KLF12: variants seen among roughly 807,000 people sequenced by gnomAD.
KLF12 encodes KLF transcription factor 12, also known as Krueppel-like factor 12.
Under a neutral mutation model 37.8 loss-of-function variants are expected in KLF12, and 9 were observed. That is an observed-to-expected ratio of 0.24 (90% confidence interval 0.14 to 0.42). KLF12 has a LOEUF of 0.42. KLF12 is among the 10% of genes least tolerant of loss of function. The pLI, the probability that KLF12 is intolerant of heterozygous loss-of-function variation, is 1.00. For synonymous variants in KLF12, 208 were observed against 202.1 expected, an observed-to-expected ratio of 1.03 and a Z score of -0.25; for missense variants, 411 against 516.0, an observed-to-expected ratio of 0.80 and a Z score of 1.97.
chr13:73,757,077 C>A (rs1247459198), intron 6 of KLF12, among the ~76,000 whole-genome samples: 1 of 152,152 alleles, frequency 6.6e-6, no homozygotes. Context: ...ACTCTAAAAG[C>A]CCTGACTTCA....
intron 7 of KLF12, 141 bp downstream of exon 7, chr13:73,715,227 G>C (rs1324723625): frequency 1.7e-6 from 1 of 602,722 alleles, no homozygotes; most frequent in Non-Finnish European, 2.8e-6. Context: ...TCAAGAGAGA[G>C]AGAATACATT....
At position 73,708,235 on chromosome 13, in the gene KLF12, A is replaced by C. The variant is rs576171621; in HGVS notation, c.1027+7133T>G. On this transcript the variant is annotated intron_variant, in intron 7 of 7. Coordinates refer to ENST00000377669, the MANE Select transcript of KLF12 (RefSeq NM_007249.5). ...CTTAAGTTTACTAATTTTTAAGGTT[A>C]GAGGTGTATGGCTTTCATATGAATT... 2.3e-4 allele frequency among the ~76,000 whole-genome samples: 35 copies of C among 152,332 alleles called. No individual in the cohort carries two copies. The South Asian group carries it at 5.8e-3, about 25-fold the overall frequency.
intron 3 of KLF12, among the ~76,000 whole-genome samples, chr13:73,864,534 C>A (rs1158650265): frequency 6.6e-6 from 1 of 152,042 alleles, no homozygotes; most frequent in African/African-American, 2.4e-5. Flanking sequence ...AGAAAAAAAT[C>A]TGATGCATAT....
chr13:74,263,503 C>T, the KLF12 span, among the ~76,000 whole-genome samples: 1 of 152,192 alleles, frequency 6.6e-6, no homozygotes, highest in South Asian at 2.1e-4. Context: ...CTGTTACTCT[C>T]ATCCAGTAAT....
intron 6 of KLF12, among the ~76,000 whole-genome samples, chr13:73,764,694 T>C (rs1879792742): frequency 1.3e-5 from 2 of 152,128 alleles, no homozygotes; most frequent in Admixed American, 1.3e-4. Context: ...TCTTGGGAAC[T>C]TAGATCATAT....
intron 6 of KLF12, 140 bp from the exon 7 acceptor site, chr13:73,715,665 T>G: frequency 1.3e-6 from 1 of 773,712 alleles, no homozygotes. Flanking sequence ...TACCACTATC[T>G]TGGGCAGATC....
chr13:74,305,215 A>T, the KLF12 span, among the ~76,000 whole-genome samples: 1 of 152,058 alleles, frequency 6.6e-6, no homozygotes, highest in Non-Finnish European at 1.5e-5. Flanking sequence ...AAACCTCCAC[A>T]TCTGCAGAGG....
In KLF12 at chr13:73,813,281, A is replaced by C. The variant is rs1412663813; in HGVS notation, c.677T>G (p.Met226Arg). The C allele has an allele frequency of 6.2e-7, 1 of 1,613,818 alleles. No individual in the cohort carries two copies. Among genetic ancestry groups the C allele is most frequent in the Non-Finnish European group, 8.5e-7 (1 of 1,179,904 alleles). The change falls in exon 5 of 8, where the codon ATG becomes AGG. Residue 226 changes from methionine (M) to arginine (R), a missense_variant. By Grantham distance (91) the Met-to-Arg change is moderately conservative. Transcript: ENST00000377669. ...TCTGGGAGATAGGCCTCGGGGGTCC[A>C]TTTGTGCTGGAGAGAAAAGGCATAT...
intron 2 of KLF12, among the ~76,000 whole-genome samples, chr13:73,989,169 C>A (rs1192953086): frequency 6.6e-6 from 1 of 151,970 alleles, no homozygotes; most frequent in Non-Finnish European, 1.5e-5. Context: ...AAGGGCAAAG[C>A]AAATAAAAAA....
At position 73,715,301 on chromosome 13, in the gene KLF12, G is replaced by T. The variant is rs968665701; in HGVS notation, c.1027+67C>A. 82 of 1,436,102 alleles carry T rather than the reference G, an allele frequency of 5.7e-5. No homozygotes were observed. The South Asian group carries it at 7.8e-4, about 14-fold the overall frequency. 89.0% of individuals were successfully genotyped at this position (1,436,102 alleles called of 1,614,324 possible). A position where few individuals can be genotyped will look rare whatever the true frequency, so the allele number is the denominator to read the frequency against. The stretch of plus-strand genomic sequence containing the variant: ...GGATGAATGAGTACGAAAGGCTCCC[G>T]AGGTAAGTGGCCGGCGCTTTATGGA... On this transcript the variant is annotated intron_variant, in intron 7 of 7. Coordinates refer to ENST00000377669, the MANE Select transcript of KLF12 (RefSeq NM_007249.5).
chr13:74,041,861 T>C (rs1310828617), intron 1 of KLF12, among the ~76,000 whole-genome samples: 2 of 152,170 alleles, frequency 1.3e-5, no homozygotes, highest in Non-Finnish European at 2.9e-5. Flanking sequence ...TCAAGCTATA[T>C]AAATACCCTG....
chr13:74,056,333 G>A (rs1339682370), intron 1 of KLF12, among the ~76,000 whole-genome samples: 1 of 152,132 alleles, frequency 6.6e-6, no homozygotes, highest in Non-Finnish European at 1.5e-5. Flanking sequence ...TCTTTCTAAA[G>A]CATCTGTTAG....
intron 4 of KLF12, among the ~76,000 whole-genome samples, chr13:73,819,994 G>A (rs931575584): frequency 6.6e-6 from 1 of 152,176 alleles, no homozygotes; most frequent in Non-Finnish European, 1.5e-5. Flanking sequence ...AGAGAGAGGA[G>A]GCAGAGGAGG....
intron 3 of KLF12, among the ~76,000 whole-genome samples, chr13:73,886,988 G>A (rs756676064): frequency 3.6e-4 from 29 of 81,294 alleles, no homozygotes; most frequent in East Asian, 8.2e-4. Context: ...GCGAAAATCC[G>A]TCTCAAAAAA....
intron 3 of KLF12, among the ~76,000 whole-genome samples, chr13:73,899,470 T>C (rs1887938932): frequency 6.6e-6 from 1 of 152,180 alleles, no homozygotes; most frequent in Non-Finnish European, 1.5e-5. Flanking sequence ...CCCTGAGCTA[T>C]GTGGAAAAGC....
chr13:74,067,727 T>G (rs1873999211), intron 1 of KLF12, among the ~76,000 whole-genome samples: 1 of 152,140 alleles, frequency 6.6e-6, no homozygotes, highest in Non-Finnish European at 1.5e-5. Flanking sequence ...TTTGCCATGG[T>G]GAAAGCAGTG....
chr13:73,704,335 C>A (rs1165420443), intron 7 of KLF12, among the ~76,000 whole-genome samples: 1 of 152,156 alleles, frequency 6.6e-6, no homozygotes, highest in Non-Finnish European at 1.5e-5. Context: ...GCATTTGCCA[C>A]CTAAACATGT....
chr13:73,817,356 A>AAAAAAC (rs1883290399), intron 4 of KLF12, among the ~76,000 whole-genome samples: 1 of 139,820 alleles, frequency 7.2e-6, no homozygotes, highest in Non-Finnish European at 1.6e-5. Context: ...AAACAAAAAA[A>AAAAAAC]AAAAAGAAAG....
intron 2 of KLF12, among the ~76,000 whole-genome samples, chr13:73,989,462 C>T (rs1306761277): frequency 6.6e-6 from 1 of 152,228 alleles, no homozygotes. Context: ...AACACACAGG[C>T]ACTGCCTTTT....
Sources: allele counts gnomAD v4.1 joint callset (sites outside exome capture counted in the v4.1 genomes callset), GRCh38; gene constraint gnomAD v4.1.1; transcripts MANE v1.5; gene names NCBI Gene and HGNC (gene_info 2026-07-23, HGNC 2026-07-21).